The following ZDHHC7 variants were observed in gnomAD, a reference collection of about 807,000 sequenced individuals.
ZDHHC7 encodes palmitoyltransferase ZDHHC7.
A neutral mutation model predicts 34.1 loss-of-function variants in ZDHHC7; 12 were observed. The observed-to-expected ratio is 0.35, with a 90% CI of 0.23 to 0.57. ZDHHC7 has a LOEUF of 0.57. Ranked by LOEUF, ZDHHC7 falls within the 20% of genes least tolerant of loss-of-function variation. The pLI is 0.84. For synonymous variants in ZDHHC7, 185 were observed against 155.4 expected (o/e 1.19, Z -1.42); for missense variants, 388 against 402.7 (o/e 0.96, Z 0.31).
intron 1 of ZDHHC7, among the ~76,000 whole-genome samples, chr16:85,010,073 TC>T (rs2072770896): frequency 6.8e-6 from 1 of 147,600 alleles, no homozygotes; most frequent in Non-Finnish European, 1.5e-5. Flanking sequence ...GATGGGGATC[TC>T]ACTCTGTTGC....
chr16:84,985,736 C>A (rs2072427808), intron 3 of ZDHHC7, among the ~76,000 whole-genome samples: 1 of 152,092 alleles, frequency 6.6e-6, no homozygotes, highest in Non-Finnish European at 1.5e-5. Context: ...AGGCGGATCA[C>A]TTGAGGTCAA....
At chr16:85,003,659 T>G (rs1016684058) in intron 1 of ZDHHC7, among the ~76,000 whole-genome samples, 1 of 152,288 alleles carries the variant, frequency 6.6e-6, no homozygotes, top group East Asian at 1.9e-4. Flanking sequence ...CTCAATGATA[T>G]GCTGGCACGT....
chr16:84,982,112 A>G, intron 3 of ZDHHC7, 118 bp from the exon 4 acceptor site: 1 of 1,378,174 alleles, frequency 7.3e-7, no homozygotes, highest in African/African-American at 1.4e-5. Flanking sequence ...CGGGTGGATC[A>G]CGGGGTCAGG....
chr16:84,984,408 C>T (rs1252104266), intron 3 of ZDHHC7, among the ~76,000 whole-genome samples: 1 of 152,076 alleles, frequency 6.6e-6, no homozygotes, highest in Non-Finnish European at 1.5e-5. Context: ...CATATATGCC[C>T]CAGGTGACAG....
chr16:85,012,335 G>C (rs912243216), upstream of ZDHHC7, among the ~76,000 whole-genome samples: 5 of 143,028 alleles, frequency 3.5e-5, no homozygotes, highest in African/African-American at 1.3e-4. Context: ...AGTGAGCTGA[G>C]ATCAAGCCAC....
intron 3 of ZDHHC7, among the ~76,000 whole-genome samples, chr16:84,984,268 G>A (rs528538993): frequency 1.3e-5 from 2 of 152,082 alleles, no homozygotes; most frequent in African/African-American, 4.8e-5. Flanking sequence ...TGATCCAACC[G>A]CCTCAGCTTC....
intron 1 of ZDHHC7, among the ~76,000 whole-genome samples, chr16:85,000,497 A>G (rs1313519561): frequency 6.6e-6 from 1 of 152,232 alleles, no homozygotes; most frequent in Non-Finnish European, 1.5e-5. Flanking sequence ...TGACTACAGA[A>G]AAGAACCAAG....
the ZDHHC7 span, among the ~76,000 whole-genome samples, chr16:85,017,689 G>A: frequency 6.6e-6 from 1 of 152,194 alleles, no homozygotes; most frequent in Non-Finnish European, 1.5e-5. Context: ...CGTGGGCTGG[G>A]AGAGATCCCC....
chr16:84,990,680 A>G, intron 2 of ZDHHC7, 45 bp from the exon 3 acceptor site: 1 of 1,513,750 alleles, frequency 6.6e-7, no homozygotes, highest in Non-Finnish European at 9.0e-7. Flanking sequence ...CAAAAAGCTC[A>G]CAAGCTACCT....
At chr16:84,990,952 C>T (rs1248008539) in intron 2 of ZDHHC7, among the ~76,000 whole-genome samples, 1 of 152,170 alleles carries the variant, frequency 6.6e-6, no homozygotes, top group African/African-American at 2.4e-5. Context: ...GGTTCCCCGG[C>T]AGCGTGGAGA....
At chr16:85,018,850 GTTC>G in the ZDHHC7 span, among the ~76,000 whole-genome samples, 1 of 152,150 alleles carries the variant, frequency 6.6e-6, no homozygotes, top group Non-Finnish European at 1.5e-5. Flanking sequence ...GGGTGTTTGG[GTTC>G]TTATTTTTCC....
At chr16:85,012,538 A>T (rs2072808069), upstream of ZDHHC7, among the ~76,000 whole-genome samples, 1 of 152,102 alleles carries the variant, frequency 6.6e-6, no homozygotes, top group Non-Finnish European at 1.5e-5. Context: ...CAAAAGTAAG[A>T]CCCCATAAGA....
the ZDHHC7 span, among the ~76,000 whole-genome samples, chr16:85,019,840 G>C: frequency 1.3e-5 from 2 of 152,232 alleles, no homozygotes; most frequent in African/African-American, 4.8e-5. Flanking sequence ...AGGTTGAGCA[G>C]TGTGCTCCCG....
intron 3 of ZDHHC7, among the ~76,000 whole-genome samples, chr16:84,986,372 C>A (rs1721412197): frequency 6.6e-6 from 1 of 152,258 alleles, no homozygotes; most frequent in African/African-American, 2.4e-5. Context: ...CGTCCCAGCA[C>A]TGCTGTGACG....
Position 84,975,608 on chromosome 16 carries a change from G to A in ZDHHC7, c.*735C>T, listed in dbSNP as rs1395751713. ...ATAGTAACCACGGGCAGGACCCCGC[G>A]GCTCTCTCCCCTCTTCCCTGAAACG... is the stretch of plus-strand genomic sequence containing the variant. On this transcript the variant is annotated 3_prime_UTR_variant, in exon 8 of 8. Coordinates refer to ENST00000313732, the MANE Select transcript of ZDHHC7 (RefSeq NM_017740.3). 1.3e-5 allele frequency: 2 copies of A among 152,644 alleles called. No homozygotes were observed. Among genetic ancestry groups the A allele is most frequent in the Non-Finnish European group, 2.9e-5 (2 of 68,052 alleles). 9.5% of individuals were successfully genotyped at this position (152,644 alleles called of 1,614,324 possible).
At chr16:84,988,704 A>G in intron 3 of ZDHHC7, 1 of 1,468,202 alleles carries the variant, frequency 6.8e-7, no homozygotes, top group Non-Finnish European at 9.3e-7. Flanking sequence ...AAAGAGGAGC[A>G]AACTGCTGAG....
intron 1 of ZDHHC7, among the ~76,000 whole-genome samples, chr16:85,005,414 CTGTT>C (rs1028338468): frequency 2.2e-4 from 33 of 152,316 alleles, no homozygotes; most frequent in African/African-American, 7.7e-4. Flanking sequence ...AGCATCTACT[CTGTT>C]TGTCAGGAGA....
chr16:85,025,535 G>A, the ZDHHC7 span, among the ~76,000 whole-genome samples: 1 of 152,166 alleles, frequency 6.6e-6, no homozygotes, highest in South Asian at 2.1e-4. Context: ...CAAGCCTCCC[G>A]AGTAGCTGGG....
intron 3 of ZDHHC7, among the ~76,000 whole-genome samples, chr16:84,983,022 G>T (rs1008323004): frequency 2.6e-5 from 4 of 152,208 alleles, no homozygotes; most frequent in African/African-American, 9.6e-5. Flanking sequence ...GTTTGTGGGA[G>T]ACAATTCTGG....
Sources: gnomAD v4.1 joint callset for allele counts (sites outside exome capture counted in the v4.1 genomes callset) on GRCh38, gnomAD v4.1.1 for gene constraint, MANE v1.5 for transcripts, NCBI Gene and HGNC (gene_info 2026-07-23, HGNC 2026-07-21) for gene names.